Variants in COL23A1 observed in about 807,000 individuals in gnomAD.
COL23A1 encodes collagen type XXIII alpha 1 chain.
In COL23A1, 97 loss-of-function variants were observed where a neutral mutation model predicts 99.3. The observed-to-expected ratio is 0.98, with a 90% CI of 0.83 to 1.16. The LOEUF is 1.16. COL23A1 is among the 50% of genes most tolerant of loss of function. The pLI is 0.00. For missense variants in COL23A1, 762 were observed against 757.4 expected, an observed-to-expected ratio of 1.01 and a Z score of -0.07; for synonymous variants, 320 against 308.2, an observed-to-expected ratio of 1.04 and a Z score of -0.40.
intron 20 of COL23A1, 96 bp downstream of exon 20, chr5:178,248,096 C>G: frequency 1.1e-6 from 1 of 910,892 alleles, no homozygotes. Flanking sequence ...CCTGGGTTTG[C>G]TCAGGCCAGG....
chr5:178,537,576 G>A (rs1340414595), intron 2 of COL23A1, among the ~76,000 whole-genome samples: 1 of 152,194 alleles, frequency 6.6e-6, no homozygotes, highest in East Asian at 1.9e-4. Context: ...GCAGACATGA[G>A]GGCCGGACCT....
chr5:178,574,623 T>C (rs1763261157), intron 1 of COL23A1, among the ~76,000 whole-genome samples: 1 of 152,204 alleles, frequency 6.6e-6, no homozygotes, highest in Non-Finnish European at 1.5e-5. Context: ...CATACATTGT[T>C]TCCCCACAAA....
intron 2 of COL23A1, among the ~76,000 whole-genome samples, chr5:178,536,040 G>A (rs995715116): frequency 1.1e-4 from 17 of 152,288 alleles, no homozygotes; most frequent in African/African-American, 4.1e-4. Context: ...ACCCTCTGAG[G>A]TGGAAACTGT....
At chr5:178,494,031 G>A (rs1276839205) in intron 2 of COL23A1, among the ~76,000 whole-genome samples, 1 of 152,238 alleles carries the variant, frequency 6.6e-6, no homozygotes, top group Non-Finnish European at 1.5e-5. Context: ...TCTCCTGTAT[G>A]TGGGAACATG....
chr5:178,430,246 C>T (rs1407206512), intron 2 of COL23A1, among the ~76,000 whole-genome samples: 7 of 152,198 alleles, frequency 4.6e-5, no homozygotes, highest in Non-Finnish European at 8.8e-5. Flanking sequence ...AGGAATTTCT[C>T]CCATGCAAGC....
At chr5:178,358,505 ATGTG>A (rs922659839) in intron 2 of COL23A1, among the ~76,000 whole-genome samples, 16 of 104,232 alleles carry the variant, frequency 1.5e-4, no homozygotes, top group East Asian at 8.6e-4. Flanking sequence ...ATGCGTGTAT[ATGTG>A]TGTATGTGTG....
Position 178,435,211 on chromosome 5 carries a change from T to C in COL23A1, c.361+125471A>G, listed in dbSNP as rs1766491377. 2.0e-5 allele frequency among the ~76,000 whole-genome samples: 3 copies of C among 152,268 alleles called. 1 individual carries two copies. In the South Asian group the frequency reaches 6.2e-4, roughly 32 times the overall value. Reference sequence around the variant, plus strand: ...GAGTCCGGGACCCCTGTGGGCTCTGTATTGTATTTTTTTCTCCTCTTTTAA... The same window carrying C: ...GAGTCCGGGACCCCTGTGGGCTCTGCATTGTATTTTTTTCTCCTCTTTTAA... On this transcript the variant is annotated intron_variant, in intron 2 of 28. Transcript: ENST00000390654.
In COL23A1 at chr5:178,408,974, ATACAC is replaced by A. The variant is rs1326476561; in HGVS notation, c.362-102060_362-102056del. On this transcript the variant is annotated intron_variant, in intron 2 of 28. Coordinates refer to ENST00000390654, the MANE Select transcript of COL23A1 (RefSeq NM_173465.4). The stretch of plus-strand genomic sequence containing the variant: ...CTGTCTCAAAAAAAAAAAAAAAAAA[ATACAC>A]ACACACACACACACACACACACACA... 2.1e-3 allele frequency among the ~76,000 whole-genome samples: 119 copies of A among 56,068 alleles called. 1 individual carries two copies. The highest frequency in any genetic ancestry group is 9.1e-3 in the African/African-American group (115 of 12,622). 36.8% of individuals were successfully genotyped at this position (56,068 alleles called of 152,430 possible).
At chr5:178,351,747 C>T (rs542191153) in intron 2 of COL23A1, among the ~76,000 whole-genome samples, 3 of 150,168 alleles carry the variant, frequency 2.0e-5, no homozygotes, top group East Asian at 1.9e-4. Context: ...CTAATTGTGC[C>T]CCCCCAGTTT....
chr5:178,457,790 G>A (rs1755877698), intron 2 of COL23A1, among the ~76,000 whole-genome samples: 3 of 152,154 alleles, frequency 2.0e-5, no homozygotes, highest in Admixed American at 2.0e-4. Context: ...CTGAGAGGCA[G>A]GATTTTCAGC....
chr5:178,353,257 T>TAA (rs11452320), intron 2 of COL23A1, among the ~76,000 whole-genome samples: 1,663 of 151,126 alleles, frequency 0.011, 38 homozygotes, highest in African/African-American at 0.037. Flanking sequence ...ATAACAGTAG[T>TAA]AAAAAAAAAG....
chr5:178,467,042 C>T (rs896792000), intron 2 of COL23A1, among the ~76,000 whole-genome samples: 1 of 152,162 alleles, frequency 6.6e-6, no homozygotes, highest in African/African-American at 2.4e-5. Flanking sequence ...ACGTAAAATG[C>T]CGTGGCAGCA....
intron 2 of COL23A1, among the ~76,000 whole-genome samples, chr5:178,531,335 G>C (rs1269418338): frequency 6.6e-6 from 1 of 152,216 alleles, no homozygotes. Flanking sequence ...GACCCAGTGT[G>C]GGGTGGGAAC....
At chr5:178,411,543 G>A (rs1416319286) in intron 2 of COL23A1, among the ~76,000 whole-genome samples, 1 of 152,162 alleles carries the variant, frequency 6.6e-6, no homozygotes. Flanking sequence ...CCAGACAAAA[G>A]GTGTTGTATA....
chr5:178,534,156 C>A (rs1339378199), intron 2 of COL23A1, among the ~76,000 whole-genome samples: 1 of 152,152 alleles, frequency 6.6e-6, no homozygotes. Context: ...TCTTGCAGTT[C>A]TGGAGGCTGG....
chr5:178,543,556 T>C (rs1430693621), intron 2 of COL23A1, among the ~76,000 whole-genome samples: 1 of 152,150 alleles, frequency 6.6e-6, no homozygotes, highest in Non-Finnish European at 1.5e-5. Context: ...AAACAATGCC[T>C]GGAGTGAGCC....
At chr5:178,268,226 G>A (rs933072666) in intron 7 of COL23A1, among the ~76,000 whole-genome samples, 2 of 152,170 alleles carry the variant, frequency 1.3e-5, no homozygotes, top group Admixed American at 1.3e-4. Flanking sequence ...TGATTTTACC[G>A]TGGGTAACAC....
rs28516915 is a variant in COL23A1, at chr5:178,298,563, G to A, written c.407-8194C>T. On this transcript the variant is annotated intron_variant, in intron 3 of 28. Coordinates refer to ENST00000390654, the MANE Select transcript of COL23A1 (RefSeq NM_173465.4). Reference sequence around the variant, plus strand: ...TGTCCCTGCTCACAGCCCCACACCTGCTCCTCTCTGTTGCCCCTGGACTCC... The same window carrying A: ...TGTCCCTGCTCACAGCCCCACACCTACTCCTCTCTGTTGCCCCTGGACTCC... Among the ~76,000 whole-genome samples, 791 of 152,278 alleles carry A rather than the reference G, an allele frequency of 5.2e-3. 7 individuals carry two copies. Among genetic ancestry groups the A allele is most frequent in the African/African-American group, 0.018 (762 of 41,542 alleles).
intron 3 of COL23A1, among the ~76,000 whole-genome samples, chr5:178,305,872 G>C (rs1758324587): frequency 1.3e-5 from 2 of 152,134 alleles, no homozygotes; most frequent in South Asian, 4.1e-4. Flanking sequence ...AGGGATCGAG[G>C]ATGCAGCCAG....
Sources: gnomAD v4.1 joint callset for allele counts (sites outside exome capture counted in the v4.1 genomes callset) on GRCh38, gnomAD v4.1.1 for gene constraint, MANE v1.5 for transcripts, NCBI Gene and HGNC (gene_info 2026-07-23, HGNC 2026-07-21) for gene names.